Variants in ABHD17C observed in about 807,000 individuals in gnomAD.
ABHD17C encodes the protein abhydrolase domain containing 17C, depalmitoylase, also known as alpha/beta hydrolase domain-containing protein 17C.
ABHD17C carries 11 observed loss-of-function variants against 27.9 expected under a neutral mutation model. The ratio of observed to expected loss-of-function variants is 0.39; its 90% CI spans 0.25 to 0.65. The LOEUF (loss-of-function observed/expected upper bound fraction) is 0.65, where lower values mean the gene tolerates loss of function less well. Among genes scored for constraint, ABHD17C ranks in the 30% least tolerant of loss-of-function variants. The pLI is 0.45. For synonymous variants in ABHD17C, 233 were observed against 209.1 expected (o/e 1.11, Z -0.98); for missense variants, 280 against 470.2 (o/e 0.60, Z 3.74).
At chr15:80,708,359 A>C (rs1894678295) in intron 1 of ABHD17C, among the ~76,000 whole-genome samples, 1 of 151,952 alleles carries the variant, frequency 6.6e-6, no homozygotes, top group Admixed American at 6.5e-5. Context: ...TCTGTCGCCC[A>C]GGCTGGAGTA....
intron 1 of ABHD17C, among the ~76,000 whole-genome samples, chr15:80,746,360 G>C (rs1895283876): frequency 1.3e-5 from 2 of 151,930 alleles, no homozygotes; most frequent in South Asian, 4.1e-4. Context: ...TTTCCCACTT[G>C]GTGGCTTGTC....
chr15:80,714,055 G>T (rs1225127105), intron 1 of ABHD17C, among the ~76,000 whole-genome samples: 1 of 152,148 alleles, frequency 6.6e-6, no homozygotes, highest in East Asian at 1.9e-4. Context: ...CTGGGCTCGG[G>T]TAGTCCTCCC....
chr15:80,745,482 C>A (rs1267689248), intron 1 of ABHD17C, among the ~76,000 whole-genome samples: 4 of 152,052 alleles, frequency 2.6e-5, no homozygotes, highest in African/African-American at 7.3e-5. Context: ...GATCCTCCCA[C>A]CTCAGCCTCC....
intron 1 of ABHD17C, among the ~76,000 whole-genome samples, chr15:80,732,575 G>A (rs1278156247): frequency 6.6e-6 from 1 of 152,130 alleles, no homozygotes; most frequent in Non-Finnish European, 1.5e-5. Flanking sequence ...AAAGGACGGG[G>A]TGGGGGGATA....
chr15:80,712,433 A>AG (rs1894740228), intron 1 of ABHD17C, among the ~76,000 whole-genome samples: 1 of 152,170 alleles, frequency 6.6e-6, no homozygotes, highest in Admixed American at 6.5e-5. Context: ...CCAGCCAAGG[A>AG]GGGGTAGAAG....
intron 1 of ABHD17C, among the ~76,000 whole-genome samples, chr15:80,707,208 G>A (rs1266297853): frequency 6.6e-6 from 1 of 152,096 alleles, no homozygotes; most frequent in East Asian, 1.9e-4. Flanking sequence ...CTACTTCTTA[G>A]GGGAAAGGGA....
rs1895401999 is a variant in ABHD17C at position 80,754,133 on chromosome 15, C to T, written c.771-18C>T. ...CTAATGGAGTCCTCTTTCTGCCTCC[C>T]CCCTTTCTGTTTTGCAGCATTGACA... On this transcript the variant is annotated intron_variant, in intron 2 of 2. Coordinates refer to ENST00000258884, the MANE Select transcript of ABHD17C (RefSeq NM_021214.2). 6.3e-7 allele frequency: 1 copy of T among 1,597,954 alleles called. No homozygotes were observed. Among genetic ancestry groups the T allele is most frequent in the Non-Finnish European group, 8.6e-7 (1 of 1,165,548 alleles).
At chr15:80,698,651 C>T (rs1003256228) in intron 1 of ABHD17C, among the ~76,000 whole-genome samples, 2 of 152,240 alleles carry the variant, frequency 1.3e-5, no homozygotes, top group Non-Finnish European at 2.9e-5. Context: ...CCCTCAACCA[C>T]TTTCCTCTTG....
chr15:80,722,618 C>T (rs960015362), intron 1 of ABHD17C, among the ~76,000 whole-genome samples: 3 of 151,446 alleles, frequency 2.0e-5, no homozygotes, highest in Non-Finnish European at 4.4e-5. Context: ...TTTAAGTGTA[C>T]AACGCAGTAT....
chr15:80,745,655 T>A (rs918747137), intron 1 of ABHD17C, among the ~76,000 whole-genome samples: 1 of 152,150 alleles, frequency 6.6e-6, no homozygotes, highest in Admixed American at 6.5e-5. Context: ...GCGTGAGCCA[T>A]CGCGCCCAGC....
intron 2 of ABHD17C, among the ~76,000 whole-genome samples, chr15:80,753,595 G>T (rs548382796): frequency 6.6e-6 from 1 of 152,056 alleles, no homozygotes; most frequent in Non-Finnish European, 1.5e-5. Flanking sequence ...AGGCTGGAGT[G>T]CAGTGGCACG....
Position 80,746,280 on chromosome 15 carries a change from T to C in ABHD17C, c.591-3233T>C, listed in dbSNP as rs1895282393. Reference sequence around the variant, plus strand: ...TTTGTGAAATTCTATTTTTCTTGTTTAGTCAGTTGTCTTATTGATTTGTAG... The same window carrying C: ...TTTGTGAAATTCTATTTTTCTTGTTCAGTCAGTTGTCTTATTGATTTGTAG... On this transcript the variant is annotated intron_variant, in intron 1 of 2. Transcript: ENST00000258884. 2.0e-5 allele frequency among the ~76,000 whole-genome samples: 3 copies of C among 152,314 alleles called. No individual in the cohort carries two copies. In the South Asian group the frequency reaches 6.2e-4, roughly 32 times the overall value.
chr15:80,721,794 C>G (rs924676152), intron 1 of ABHD17C, among the ~76,000 whole-genome samples: 3 of 152,112 alleles, frequency 2.0e-5, no homozygotes, highest in Non-Finnish European at 4.4e-5. Flanking sequence ...TTCAGACACA[C>G]GCAGCCAGTA....
chr15:80,706,499 C>T (rs1423805034), intron 1 of ABHD17C, among the ~76,000 whole-genome samples: 1 of 152,192 alleles, frequency 6.6e-6, no homozygotes, highest in Non-Finnish European at 1.5e-5. Flanking sequence ...TTTGCTCCTT[C>T]ACTTTACATG....
intron 1 of ABHD17C, among the ~76,000 whole-genome samples, chr15:80,744,432 G>A (rs1325927993): frequency 6.6e-6 from 1 of 152,076 alleles, no homozygotes; most frequent in Admixed American, 6.5e-5. Context: ...TAGAACAGAG[G>A]CCTCTTACTG....
chr15:80,698,499 G>C (rs1894528841), intron 1 of ABHD17C, among the ~76,000 whole-genome samples: 1 of 152,208 alleles, frequency 6.6e-6, no homozygotes, highest in South Asian at 2.1e-4. Context: ...ATCAGCAGTA[G>C]GTCTCTTGAC....
chr15:80,720,688 A>C (rs930562534), intron 1 of ABHD17C, among the ~76,000 whole-genome samples: 1 of 152,166 alleles, frequency 6.6e-6, no homozygotes, highest in African/African-American at 2.4e-5. Flanking sequence ...TGGGAGGCCT[A>C]GGCAGGCGGA....
At chr15:80,731,567 C>T (rs1318500906) in intron 1 of ABHD17C, among the ~76,000 whole-genome samples, 10 of 151,900 alleles carry the variant, frequency 6.6e-5, no homozygotes, top group African/African-American at 2.2e-4. Context: ...AGATAGATCA[C>T]GAGTAGAATG....
intron 1 of ABHD17C, among the ~76,000 whole-genome samples, chr15:80,730,714 C>T (rs532930038): frequency 6.3e-4 from 96 of 152,242 alleles, no homozygotes; most frequent in African/African-American, 2.3e-3. Flanking sequence ...TCAGAGTGCA[C>T]GATTTTACAG....
Sources: allele counts gnomAD v4.1 joint callset (sites outside exome capture counted in the v4.1 genomes callset), GRCh38; gene constraint gnomAD v4.1.1; transcripts MANE v1.5; gene names NCBI Gene and HGNC (gene_info 2026-07-23, HGNC 2026-07-21).